The following SGMS1 variants were observed in gnomAD, a reference collection of about 807,000 sequenced individuals.
SGMS1 encodes the protein phosphatidylcholine:ceramide cholinephosphotransferase 1.
In SGMS1, 13 loss-of-function variants were observed where a neutral mutation model predicts 46.2. The ratio of observed to expected loss-of-function variants is 0.28; its 90% confidence interval spans 0.18 to 0.45. SGMS1 has a LOEUF of 0.45. Ranked by LOEUF, SGMS1 falls within the 20% of genes least tolerant of loss-of-function variation. The probability of loss-of-function intolerance (pLI) is 1.00; values close to 1 mark genes in which losing one functional copy is unlikely to be tolerated. For synonymous variants in SGMS1, 203 were observed against 187.8 expected (o/e 1.08, Z -0.66); for missense variants, 324 against 519.9 (o/e 0.62, Z 3.66).
chr10:50,315,256 A>C (rs938544214), intron 8 of SGMS1, among the ~76,000 whole-genome samples: 1 of 152,250 alleles, frequency 6.6e-6, no homozygotes, highest in Non-Finnish European at 1.5e-5. Flanking sequence ...TTTTACAAAC[A>C]CTATGTGCAG....
chr10:50,443,366 A>G (rs1849569136), intron 5 of SGMS1, among the ~76,000 whole-genome samples: 1 of 152,182 alleles, frequency 6.6e-6, no homozygotes, highest in Admixed American at 6.5e-5. Flanking sequence ...CATGAAAACC[A>G]AAAATAACAA....
chr10:50,512,450 A>G (rs745961794), intron 3 of SGMS1, among the ~76,000 whole-genome samples: 5 of 152,176 alleles, frequency 3.3e-5, no homozygotes, highest in Non-Finnish European at 7.4e-5. Context: ...AACAGCTGCT[A>G]TGGAAGTCAG....
At chr10:50,624,114 AG>A, upstream of SGMS1, 1 of 985,410 alleles carries the variant, frequency 1.0e-6, no homozygotes, top group Non-Finnish European at 1.2e-6. Flanking sequence ...ACCAAGGGAC[AG>A]TCGCAGTTTG....
At chr10:50,617,072 A>C (rs945047887) in intron 1 of SGMS1, among the ~76,000 whole-genome samples, 6 of 152,168 alleles carry the variant, frequency 3.9e-5, no homozygotes, top group Admixed American at 3.3e-4. Flanking sequence ...TAATAAAAAA[A>C]ATTGGGGGGG....
At chr10:50,594,066 C>T (rs1838567841) in intron 1 of SGMS1, among the ~76,000 whole-genome samples, 1 of 152,182 alleles carries the variant, frequency 6.6e-6, no homozygotes, top group Non-Finnish European at 1.5e-5. Flanking sequence ...TCTTTAGCCG[C>T]CTTTCCAGTT....
chr10:50,413,760 C>T (rs1254024785), intron 6 of SGMS1, among the ~76,000 whole-genome samples: 1 of 152,192 alleles, frequency 6.6e-6, no homozygotes, highest in Non-Finnish European at 1.5e-5. Context: ...ATCATAACAA[C>T]TGGTTGAAGA....
chr10:50,455,631 C>T (rs552423193), intron 5 of SGMS1, among the ~76,000 whole-genome samples: 7 of 152,264 alleles, frequency 4.6e-5, no homozygotes, highest in East Asian at 3.9e-4. Flanking sequence ...ATCTTTTATT[C>T]GGAGTAGCTG....
rs369895399 is a variant in SGMS1 at position 50,541,688 on chromosome 10, T to C, written c.-588-21767A>G. On this transcript the variant is annotated intron_variant, in intron 2 of 10. Transcript: ENST00000361781. ...AAAATGGAATAAAAATGCTGGCCCC[T>C]GGCTGAGCCACCCACTCTGGGAGAT... is the stretch of plus-strand genomic sequence containing the variant. Among the ~76,000 whole-genome samples the C allele has an allele frequency of 2.2e-4, 33 of 152,298 alleles. 2 individuals carry two copies. In the South Asian group the frequency reaches 5.4e-3, roughly 25 times the overall value.
rs183273080 is a variant in SGMS1 at position 50,611,303 on chromosome 10, T to C, written c.-684+12404A>G. The stretch of plus-strand genomic sequence containing the variant: ...TCAACAACTGCAGAATGCAACCCTG[T>C]ACTACTGTGGACACACGCCAAGGGT... On this transcript the variant is annotated intron_variant, in intron 1 of 10. Transcript: ENST00000361781. 3.3e-5 allele frequency among the ~76,000 whole-genome samples: 5 copies of C among 152,302 alleles called. No individual in the cohort carries two copies. In the East Asian group the frequency reaches 9.6e-4, roughly 29 times the overall value.
chr10:50,464,122 A>G (rs544257149), intron 4 of SGMS1, among the ~76,000 whole-genome samples: 3 of 152,332 alleles, frequency 2.0e-5, no homozygotes, highest in African/African-American at 7.2e-5. Flanking sequence ...AACAATGTGT[A>G]CATAGTTAAC....
At chr10:50,314,659 G>A (rs1486522710) in intron 8 of SGMS1, among the ~76,000 whole-genome samples, 4 of 152,158 alleles carry the variant, frequency 2.6e-5, no homozygotes, top group Admixed American at 2.6e-4. Flanking sequence ...CAACAGGCTG[G>A]GCGTGATGGC....
chr10:50,400,462 T>C (rs982676916), intron 6 of SGMS1, among the ~76,000 whole-genome samples: 1 of 121,754 alleles, frequency 8.2e-6, no homozygotes, highest in Non-Finnish European at 1.7e-5. Context: ...TAGCTATTTT[T>C]TTTAAGAGAC....
intron 3 of SGMS1, among the ~76,000 whole-genome samples, chr10:50,500,120 AT>A (rs1478218770): frequency 6.6e-6 from 1 of 152,186 alleles, no homozygotes; most frequent in Non-Finnish European, 1.5e-5. Flanking sequence ...GTGAGCCAAG[AT>A]TGCACCACTG....
chr10:50,502,965 A>G (rs928627305), intron 3 of SGMS1, among the ~76,000 whole-genome samples: 1 of 152,246 alleles, frequency 6.6e-6, no homozygotes, highest in Non-Finnish European at 1.5e-5. Context: ...GTGAAATAAA[A>G]TATCATATGA....
At chr10:50,621,903 A>G (rs1193722716) in intron 1 of SGMS1, among the ~76,000 whole-genome samples, 1 of 152,232 alleles carries the variant, frequency 6.6e-6, no homozygotes, top group Non-Finnish European at 1.5e-5. Context: ...GGTCACAGAG[A>G]TGCAGAGACT....
intron 1 of SGMS1, among the ~76,000 whole-genome samples, chr10:50,591,890 G>C (rs1010013470): frequency 1.3e-5 from 2 of 152,220 alleles, no homozygotes; most frequent in Non-Finnish European, 2.9e-5. Context: ...GAATTCTGTA[G>C]ACACAGAGAG....
chr10:50,506,981 T>C (rs1227818945), intron 3 of SGMS1, among the ~76,000 whole-genome samples: 1 of 152,122 alleles, frequency 6.6e-6, no homozygotes, highest in Non-Finnish European at 1.5e-5. Flanking sequence ...TTACAACCCA[T>C]TGTTCTAGTA....
chr10:50,342,933 A>G (rs1385256648), intron 7 of SGMS1: 1 of 152,346 alleles, frequency 6.6e-6, no homozygotes, highest in Non-Finnish European at 1.5e-5. Context: ...GAAGGTGGGA[A>G]TCCATTCAGG....
chr10:50,494,984 A>C lies in SGMS1; in HGVS notation c.-498+24847T>G, dbSNP rs796953274. Among the ~76,000 whole-genome samples the C allele has an allele frequency of 9.7e-4, 134 of 137,882 alleles. 1 individual carries two copies. Among genetic ancestry groups the C allele is most frequent in the African/African-American group, 3.4e-3 (126 of 37,032 alleles). 90.5% of individuals were successfully genotyped at this position (137,882 alleles called of 152,430 possible). A position where few individuals can be genotyped will look rare whatever the true frequency, so the allele number is the denominator to read the frequency against. ...CCGGGAGGCGGAGCTTGCAGTGAGC[A>C]GAGATCCCGCCACTGCACTCCAGCC... is the stretch of plus-strand genomic sequence containing the variant. On this transcript the variant is annotated intron_variant, in intron 3 of 10. Transcript: ENST00000361781.
Sources: allele counts gnomAD v4.1 joint callset (sites outside exome capture counted in the v4.1 genomes callset), GRCh38; gene constraint gnomAD v4.1.1; transcripts MANE v1.5; gene names NCBI Gene and HGNC (gene_info 2026-07-23, HGNC 2026-07-21).